Variants in TRIM4 observed in about 807,000 individuals in gnomAD.
The protein encoded by TRIM4 is E3 ubiquitin-protein ligase TRIM4.
TRIM4 carries 29 observed loss-of-function variants against 33.7 expected under a neutral mutation model. The ratio of observed to expected loss-of-function variants is 0.86; its 90% CI spans 0.64 to 1.17. TRIM4 has a LOEUF of 1.17. Among genes scored for constraint, TRIM4 ranks in the 50% most tolerant of loss-of-function variants. The pLI is 0.00. For synonymous variants in TRIM4, 224 were observed against 233.0 expected (o/e 0.96, Z 0.35); for missense variants, 554 against 593.7 (o/e 0.93, Z 0.69).
At chr7:99,904,749 T>A (rs1207059303) in intron 3 of TRIM4, among the ~76,000 whole-genome samples, 1 of 152,114 alleles carries the variant, frequency 6.6e-6, no homozygotes, top group Non-Finnish European at 1.5e-5. Context: ...ATGCTTTATC[T>A]GGATGAGTAC....
At position 99,892,743 on chromosome 7, in the gene TRIM4, G is replaced by C; in HGVS notation, c.845C>G (p.Ala282Gly). 1 of 1,609,760 alleles carries C rather than the reference G, an allele frequency of 6.2e-7. No individual in the cohort carries two copies. Among genetic ancestry groups the C allele is most frequent in the Non-Finnish European group, 8.5e-7 (1 of 1,178,626 alleles). ...MKEMLKRFQV[A>G]VNLAEDTAHP... ...AGCTGTGTCTTCAGCTAGGTTTACA[G>C]CCACTGTGGAGAAAATGAGAGCTAA... is the stretch of plus-strand genomic sequence containing the variant. Residue 282 changes from alanine to glycine, a missense_variant, in exon 6 of 6, where the codon GCT (alanine) becomes GGT (glycine). By Grantham distance (60) the Ala-to-Gly change is moderately conservative (BLOSUM62 0). Around this residue, in one of 3 missense-constraint regions of TRIM4, gnomAD observed 290 missense variants for 335.8 expected, o/e 0.86. Coordinates refer to ENST00000349062, the MANE Select transcript of TRIM4 (RefSeq NM_033091.3).
At chr7:99,907,378 G>A (rs532332071) in intron 3 of TRIM4, among the ~76,000 whole-genome samples, 1 of 152,266 alleles carries the variant, frequency 6.6e-6, no homozygotes, top group African/African-American at 2.4e-5. Flanking sequence ...CCAAAGTGTT[G>A]GGATTACAGG....
intron 5 of TRIM4, among the ~76,000 whole-genome samples, chr7:99,896,372 T>A (rs1334825569): frequency 6.6e-6 from 1 of 152,198 alleles, no homozygotes; most frequent in African/African-American, 2.4e-5. Context: ...ATTCTTGGAA[T>A]GCAGGCTGTA....
intron 5 of TRIM4, 92 bp from the exon 6 acceptor site, chr7:99,892,838 C>A: frequency 8.9e-7 from 1 of 1,125,132 alleles, no homozygotes; most frequent in Non-Finnish European, 1.3e-6. Flanking sequence ...TTTCATCTTT[C>A]TCCTCCTAAC....
chr7:99,916,611 T>C (rs779092005), intron 1 of TRIM4: 19 of 732,816 alleles, frequency 2.6e-5, no homozygotes, highest in Non-Finnish European at 4.1e-5. Flanking sequence ...CCAAGTCTAA[T>C]TGATCACCAA....
At chr7:99,898,044 G>A (rs545634822) in intron 5 of TRIM4, among the ~76,000 whole-genome samples, 1 of 152,338 alleles carries the variant, frequency 6.6e-6, no homozygotes, top group East Asian at 1.9e-4. Context: ...CCTCCACAAT[G>A]GGCCTGCCAT....
intron 5 of TRIM4, among the ~76,000 whole-genome samples, chr7:99,902,623 G>A (rs905485263): frequency 2.0e-5 from 3 of 152,074 alleles, no homozygotes; most frequent in Non-Finnish European, 2.9e-5. Flanking sequence ...CTGCCTTGGT[G>A]CCTCCCTGGA....
intron 1 of TRIM4, among the ~76,000 whole-genome samples, chr7:99,911,968 T>C (rs1452769056): frequency 2.0e-5 from 3 of 152,088 alleles, no homozygotes; most frequent in Admixed American, 6.6e-5. Flanking sequence ...TGGATAAATC[T>C]CAAAATCAAT....
At chr7:99,899,594 T>C (rs1006072298) in intron 5 of TRIM4, among the ~76,000 whole-genome samples, 2 of 152,202 alleles carry the variant, frequency 1.3e-5, no homozygotes, top group African/African-American at 4.8e-5. Flanking sequence ...TATACTTTCA[T>C]CTCTCCTCTC....
In TRIM4 at chr7:99,919,240, G is replaced by C. The variant is rs1347180937; in HGVS notation, c.162C>G (p.His54Gln). The C allele has an allele frequency of 3.9e-5, 60 of 1,537,050 alleles. No individual in the cohort carries two copies. Among genetic ancestry groups the C allele is most frequent in the Non-Finnish European group, 5.3e-5 (60 of 1,141,388 alleles). The change falls in exon 1 of 6, where the codon CAC becomes CAG. Residue 54 changes from histidine to glutamine, a missense_variant. His to Gln is a conservative substitution (Grantham distance 24, BLOSUM62 0). This residue lies in a region of TRIM4 where 233 missense variants were observed against 203.1 expected (regional missense o/e 1.15). Transcript: ENST00000349062. ...GGPFPCPECR[H>Q]PSAPAALRPN... The stretch of plus-strand genomic sequence containing the variant: ...GTCGCAGCGCGGCGGGCGCCGATGG[G>C]TGCCGACATTCGGGGCAGGGGAACG...
chr7:99,913,838 C>A (rs1009700510), intron 1 of TRIM4, among the ~76,000 whole-genome samples: 2 of 152,130 alleles, frequency 1.3e-5, no homozygotes, highest in East Asian at 3.8e-4. Flanking sequence ...GCTCAAACAA[C>A]ATTAAACTTC....
chr7:99,915,957 G>A (rs189753117), intron 1 of TRIM4, among the ~76,000 whole-genome samples: 4 of 152,134 alleles, frequency 2.6e-5, no homozygotes, highest in Admixed American at 6.5e-5. Flanking sequence ...CTGTGACCTC[G>A]GGGGCATGTA....
intron 2 of TRIM4, 112 bp downstream of exon 2, chr7:99,909,453 A>C: frequency 1.2e-6 from 1 of 812,008 alleles, no homozygotes; most frequent in South Asian, 1.7e-5. Context: ...GAGGCATCCA[A>C]GACTCTACGT....
At chr7:99,913,411 G>C (rs1013255750) in intron 1 of TRIM4, among the ~76,000 whole-genome samples, 1 of 152,212 alleles carries the variant, frequency 6.6e-6, no homozygotes, top group Non-Finnish European at 1.5e-5. Context: ...GCTCACGCCT[G>C]TAATCCCAGC....
intron 1 of TRIM4, among the ~76,000 whole-genome samples, chr7:99,911,817 T>C (rs562137060): frequency 6.6e-6 from 1 of 152,340 alleles, no homozygotes; most frequent in Admixed American, 6.5e-5. Context: ...CATGTACCCA[T>C]AAATAGACCT....
Position 99,902,040 on chromosome 7 carries a change from G to C in TRIM4, c.841+1178C>G, listed in dbSNP as rs569330319. 329 of 747,638 alleles carry C rather than the reference G, an allele frequency of 4.4e-4. 3 individuals carry two copies. The highest frequency in any genetic ancestry group is 4.4e-3 in the South Asian group (317 of 72,080). The allele number at this position is 747,638 out of a possible 1,614,324, so 46.3% of individuals were successfully genotyped here. A position where few individuals can be genotyped will look rare whatever the true frequency, so the allele number is the denominator to read the frequency against. On this transcript the variant is annotated intron_variant, in intron 5 of 5. Coordinates refer to ENST00000349062, the MANE Select transcript of TRIM4 (RefSeq NM_033091.3). ...TGGAAACTCCCTCAGGCAGAGGGTAGGGCAATCATAGGCTGACCTCATTTG... is the reference window on the plus strand; with the variant it reads ...TGGAAACTCCCTCAGGCAGAGGGTACGGCAATCATAGGCTGACCTCATTTG...
At chr7:99,910,879 G>A (rs1334196232) in intron 1 of TRIM4, among the ~76,000 whole-genome samples, 4 of 152,234 alleles carry the variant, frequency 2.6e-5, no homozygotes, top group Admixed American at 2.6e-4. Flanking sequence ...AGAAATGTTA[G>A]AGAAACACAC....
At position 99,916,794 on chromosome 7, in the gene TRIM4, AC is replaced by A. The variant is rs763916647; in HGVS notation, c.393+2214del. 288 of 780,526 alleles carry A rather than the reference AC, an allele frequency of 3.7e-4. 4 individuals carry two copies. The Admixed American group carries it at 4.7e-3, about 13-fold the overall frequency. The allele number at this position is 780,526 out of a possible 1,614,324, so 48.4% of individuals were successfully genotyped here. ...AAGTTACCTGTCTAAAACAAAAAAA[AC>A]GATCATATCATTCCCTGCCTTAAAA... On this transcript the variant is annotated intron_variant, in intron 1 of 5. Coordinates refer to ENST00000349062, the MANE Select transcript of TRIM4 (RefSeq NM_033091.3).
chr7:99,916,063 T>C (rs1377390325), intron 1 of TRIM4, among the ~76,000 whole-genome samples: 2 of 152,142 alleles, frequency 1.3e-5, no homozygotes, highest in Non-Finnish European at 2.9e-5. Context: ...AATTACAGTA[T>C]GAAAAATGCT....
Sources: gnomAD v4.1 joint callset for allele counts (sites outside exome capture counted in the v4.1 genomes callset) on GRCh38, gnomAD v4.1.1 for gene constraint, gnomAD v4.1.1 regional missense constraint, MANE v1.5 for transcripts, NCBI Gene and HGNC (gene_info 2026-07-23, HGNC 2026-07-21) for gene names.